Variants in TENM3 observed in about 807,000 individuals in gnomAD.
The protein encoded by TENM3 is teneurin-3.
Under a neutral mutation model 255.1 loss-of-function variants are expected in TENM3, and 63 were observed. That is an observed-to-expected ratio of 0.25 (90% CI 0.20 to 0.30). The LOEUF (loss-of-function observed/expected upper bound fraction) is 0.30, where lower values mean the gene tolerates loss of function less well. Among genes scored for constraint, TENM3 ranks in the 10% least tolerant of loss-of-function variants. TENM3 has a pLI of 1.00. For synonymous variants in TENM3, 1,306 were observed against 1,322.3 expected, an observed-to-expected ratio of 0.99 and a Z score of 0.27; for missense variants, 2,929 against 3,461.1, an observed-to-expected ratio of 0.85 and a Z score of 3.86.
At chr4:181,538,950 G>C in the TENM3 span, among the ~76,000 whole-genome samples, 63 of 152,242 alleles carry the variant, frequency 4.1e-4, no homozygotes, top group Non-Finnish European at 2.1e-4. Flanking sequence ...TTTTAATTCT[G>C]TTGGGGAAAA....
intron 12 of TENM3, among the ~76,000 whole-genome samples, chr4:182,704,098 CT>C (rs78172286): frequency 5.2e-4 from 77 of 148,312 alleles, no homozygotes; most frequent in African/African-American, 1.2e-3. Flanking sequence ...TAAAATATAC[CT>C]TTTTTTTTTA....
intron 3 of TENM3, among the ~76,000 whole-genome samples, chr4:182,368,576 G>A (rs17073157): frequency 0.2 from 30,677 of 152,142 alleles, 3,296 homozygotes; most frequent in African/African-American, 0.25. Flanking sequence ...ACAGCAAAAG[G>A]TGAGTGTGGA....
chr4:182,775,072 G>A lies in TENM3; in HGVS notation c.5223G>A (p.Glu1741=). The A allele has an allele frequency of 1.2e-6, 2 of 1,614,034 alleles. No homozygotes were observed. Among genetic ancestry groups the A allele is most frequent in the Non-Finnish European group, 1.7e-6 (2 of 1,179,900 alleles). The change falls in exon 24 of 28, where the codon GAG becomes GAA. Residue 1741 remains glutamate (E), a synonymous_variant. Coordinates refer to ENST00000511685, the MANE Select transcript of TENM3 (RefSeq NM_001080477.4). ...AAAGAAACATGACTTTGCCTGGCGA[G>A]AACGGTCAAAACTTGGTGGAATGGA... is the stretch of plus-strand genomic sequence containing the variant. ...VAKRNMTLPG[E]NGQNLVEWRF... is the part of the protein sequence containing the mutation.
rs374569019 is a variant in TENM3 at position 182,512,771 on chromosome 4, C to T, written c.512-88153C>T. 4.6e-5 allele frequency among the ~76,000 whole-genome samples: 7 copies of T among 152,130 alleles called. No homozygotes were observed. In the East Asian group the frequency reaches 1.2e-3, roughly 25 times the overall value. On this transcript the variant is annotated intron_variant, in intron 3 of 27. Coordinates refer to ENST00000511685, the MANE Select transcript of TENM3 (RefSeq NM_001080477.4). ...CAAATGACTTAATCCCTCTGAGCCT[C>T]CCTCTCCTAATGTGTAACATGAAAC...
At chr4:182,594,686 GTGTGTGT>G (rs1560976748) in intron 3 of TENM3, among the ~76,000 whole-genome samples, 15 of 4,968 alleles carry the variant, frequency 3.0e-3, no homozygotes, top group African/African-American at 6.2e-3. Flanking sequence ...TTGTTTTGGT[GTGTGTGT>G]GTGTGTGTGT....
intron 3 of TENM3, among the ~76,000 whole-genome samples, chr4:182,556,705 G>A (rs1443124580): frequency 1.3e-5 from 2 of 152,078 alleles, no homozygotes; most frequent in Admixed American, 1.3e-4. Flanking sequence ...TCTTAAGAGG[G>A]CACCCACGTT....
At chr4:181,520,117 A>G in the TENM3 span, among the ~76,000 whole-genome samples, 2 of 152,184 alleles carry the variant, frequency 1.3e-5, no homozygotes, top group Non-Finnish European at 2.9e-5. Context: ...CAAAGCCCCA[A>G]ATCCTCTACT....
At chr4:182,408,454 A>ACC (rs2151068678) in intron 3 of TENM3, among the ~76,000 whole-genome samples, 1 of 152,268 alleles carries the variant, frequency 6.6e-6, no homozygotes, top group African/African-American at 2.4e-5. Flanking sequence ...TCCCTAGAGA[A>ACC]AACCTTCGGA....
At chr4:182,759,497 T>A (rs929328080) in intron 22 of TENM3, among the ~76,000 whole-genome samples, 2 of 152,266 alleles carry the variant, frequency 1.3e-5, no homozygotes, top group Admixed American at 1.3e-4. Context: ...TTACTGATTT[T>A]TAAAAATATT....
At chr4:182,479,244 A>C (rs1338629836) in intron 3 of TENM3, among the ~76,000 whole-genome samples, 2 of 151,918 alleles carry the variant, frequency 1.3e-5, no homozygotes, top group Non-Finnish European at 2.9e-5. Context: ...GAAATGTTAA[A>C]ATTTTCTAAT....
chr4:182,757,741 T>C (rs958788227), intron 22 of TENM3, among the ~76,000 whole-genome samples: 16 of 152,182 alleles, frequency 1.1e-4, no homozygotes, highest in Admixed American at 7.9e-4. Flanking sequence ...CTGGCTGAAG[T>C]AGAGGTTGGG....
intron 2 of TENM3, among the ~76,000 whole-genome samples, chr4:182,334,275 A>G (rs891778272): frequency 1.3e-5 from 2 of 152,192 alleles, no homozygotes; most frequent in Non-Finnish European, 2.9e-5. Flanking sequence ...ATATTATTTA[A>G]AAAACGTAAA....
chr4:181,501,524 C>A, the TENM3 span, among the ~76,000 whole-genome samples: 6 of 152,014 alleles, frequency 3.9e-5, no homozygotes, highest in East Asian at 5.8e-4. Flanking sequence ...ATTACAGGCA[C>A]CCGCCACCAC....
At chr4:182,314,093 A>G (rs576135132) in intron 1 of TENM3, among the ~76,000 whole-genome samples, 16 of 152,242 alleles carry the variant, frequency 1.1e-4, no homozygotes, top group African/African-American at 3.9e-4. Flanking sequence ...CAGGCAGATC[A>G]CGAGGTCAGG....
chr4:182,693,140 A>C (rs1488559343), intron 12 of TENM3, among the ~76,000 whole-genome samples: 1 of 152,132 alleles, frequency 6.6e-6, no homozygotes, highest in African/African-American at 2.4e-5. Flanking sequence ...TGCATGCCTC[A>C]CTTACTTTTT....
intron 24 of TENM3, among the ~76,000 whole-genome samples, chr4:182,781,268 G>T (rs1433842398): frequency 2.1e-5 from 3 of 144,092 alleles, no homozygotes; most frequent in African/African-American, 2.6e-5. Context: ...TAGCATGAAG[G>T]GTTGTTGAAT....
the TENM3 span, among the ~76,000 whole-genome samples, chr4:181,907,686 G>A: frequency 6.6e-6 from 1 of 152,092 alleles, no homozygotes; most frequent in Non-Finnish European, 1.5e-5. Context: ...TGCCCTATGA[G>A]ATCATCACCC....
the TENM3 span, among the ~76,000 whole-genome samples, chr4:182,069,846 C>T: frequency 1.3e-5 from 2 of 152,140 alleles, no homozygotes; most frequent in Non-Finnish European, 2.9e-5. Context: ...GGAGGAGTTT[C>T]TGTCCCCTCT....
chr4:181,846,075 T>A, the TENM3 span, among the ~76,000 whole-genome samples: 1 of 152,228 alleles, frequency 6.6e-6, no homozygotes, highest in East Asian at 1.9e-4. Context: ...TTGTAGGCAT[T>A]TGAAGTCATT....
Sources: gnomAD v4.1 joint callset for allele counts (sites outside exome capture counted in the v4.1 genomes callset) on GRCh38, gnomAD v4.1.1 for gene constraint, MANE v1.5 for transcripts, NCBI Gene and HGNC (gene_info 2026-07-23, HGNC 2026-07-21) for gene names.